The following EDIL3 variants were observed in gnomAD, a reference collection of about 807,000 sequenced individuals.
EDIL3 encodes EGF like and discoidin domains 3.
In EDIL3, 37 loss-of-function variants were observed where a neutral mutation model predicts 67.4. The observed-to-expected ratio is 0.55, with a 90% confidence interval of 0.42 to 0.72. The LOEUF (loss-of-function observed/expected upper bound fraction) is 0.72. EDIL3 is among the 30% of genes least tolerant of loss of function. EDIL3 has a pLI of 0.00. For synonymous variants in EDIL3, 195 were observed against 196.3 expected, an observed-to-expected ratio of 0.99 and a Z score of 0.05; for missense variants, 527 against 586.3, an observed-to-expected ratio of 0.90 and a Z score of 1.04.
chr5:83,981,943 AC>A lies in EDIL3; in HGVS notation c.1138-18584del, dbSNP rs2112149573. Among the ~76,000 whole-genome samples the A allele has an allele frequency of 2.6e-5, 4 of 152,234 alleles. No homozygotes were observed. The South Asian group carries it at 8.3e-4, about 32-fold the overall frequency. ...GGCACAAAATAAATATGGCAAAAAAACATGAAATAACAATTTAAGCTACAAT... is the reference window on the plus strand; with the variant it reads ...GGCACAAAATAAATATGGCAAAAAAAATGAAATAACAATTTAAGCTACAAT... On this transcript the variant is annotated intron_variant, in intron 9 of 10. Coordinates refer to ENST00000296591, the MANE Select transcript of EDIL3 (RefSeq NM_005711.5).
chr5:84,384,811 A>C lies in EDIL3; in HGVS notation c.-437T>G, dbSNP rs1466170209. 2 of 152,190 alleles carry C rather than the reference A, an allele frequency of 1.3e-5. No homozygotes were observed. The highest frequency in any genetic ancestry group is 2.9e-5 in the Non-Finnish European group (2 of 68,206). The allele number at this position is 152,190 out of a possible 1,614,324, so 9.4% of individuals were successfully genotyped here. ...GGGCTTCTGACTTGGAGAACAATGA[A>C]GCGTGAGCTGGAGGGGAGCGAGCGG... On this transcript the variant is annotated 5_prime_UTR_variant, in exon 1 of 11. Coordinates refer to ENST00000296591, the MANE Select transcript of EDIL3 (RefSeq NM_005711.5).
intron 1 of EDIL3, among the ~76,000 whole-genome samples, chr5:84,319,494 C>CAAAAAAAAAAAAAAAA (rs55738450): frequency 8.9e-4 from 38 of 42,828 alleles, no homozygotes; most frequent in East Asian, 1.7e-3. Context: ...CAAAAAACAA[C>CAAAAAAAAAAAAAAAA]AAAAAAAAAA....
At chr5:84,163,035 G>A (rs1377209977) in intron 4 of EDIL3, among the ~76,000 whole-genome samples, 1 of 151,916 alleles carries the variant, frequency 6.6e-6, no homozygotes, top group East Asian at 1.9e-4. Flanking sequence ...AAATATTTAG[G>A]GAAAACAGAC....
chr5:84,258,600 G>A (rs764286141), intron 1 of EDIL3, among the ~76,000 whole-genome samples: 28 of 152,148 alleles, frequency 1.8e-4, no homozygotes, highest in Non-Finnish European at 5.9e-5. Context: ...CTTTCTTAAA[G>A]AAGGATTAGA....
chr5:84,364,572 G>C (rs923594791), intron 1 of EDIL3, among the ~76,000 whole-genome samples: 7 of 152,046 alleles, frequency 4.6e-5, no homozygotes, highest in Non-Finnish European at 1.0e-4. Flanking sequence ...ATACAGGTAA[G>C]ACTCCTAATC....
At chr5:84,100,348 T>C (rs1462104075) in intron 6 of EDIL3, among the ~76,000 whole-genome samples, 3 of 152,030 alleles carry the variant, frequency 2.0e-5, no homozygotes, top group Non-Finnish European at 4.4e-5. Flanking sequence ...AATGATAGAC[T>C]GGATAAAGAA....
chr5:83,955,924 A>C (rs375727046), intron 10 of EDIL3, among the ~76,000 whole-genome samples: 2 of 151,846 alleles, frequency 1.3e-5, no homozygotes, highest in Admixed American at 6.6e-5. Context: ...ACTAATATAC[A>C]AAGGATTTTC....
chr5:84,247,438 C>G (rs868249554), intron 2 of EDIL3, among the ~76,000 whole-genome samples: 1 of 152,138 alleles, frequency 6.6e-6, no homozygotes, highest in Non-Finnish European at 1.5e-5. Context: ...TATTCTGACA[C>G]TGATTGCCTT....
intron 6 of EDIL3, among the ~76,000 whole-genome samples, chr5:84,074,771 C>T (rs566426275): frequency 0.065 from 9,830 of 152,046 alleles, 445 homozygotes; most frequent in Middle Eastern, 0.12. Context: ...CTAGTTCAAC[C>T]ATTGTGGAAG....
At chr5:84,218,332 A>C (rs1744273467) in intron 3 of EDIL3, among the ~76,000 whole-genome samples, 1 of 152,218 alleles carries the variant, frequency 6.6e-6, no homozygotes, top group African/African-American at 2.4e-5. Context: ...GTCAGTTTTT[A>C]AAATGTGAGA....
Position 83,941,808 on chromosome 5 carries a change from TTTTG to T in EDIL3, c.*1607_*1610del, listed in dbSNP as rs1369760955. ...CAGCCAGTCCCCTTAGACGAACTAATTTTGTTCTTATTAAAAATGCCAATACAAT... is the reference window on the plus strand; with the variant it reads ...CAGCCAGTCCCCTTAGACGAACTAATTTCTTATTAAAAATGCCAATACAAT... On this transcript the variant is annotated 3_prime_UTR_variant, in exon 11 of 11. Coordinates refer to ENST00000296591, the MANE Select transcript of EDIL3 (RefSeq NM_005711.5). 6.6e-6 allele frequency: 1 copy of T among 152,000 alleles called. No individual in the cohort carries two copies. The highest frequency in any genetic ancestry group is 2.4e-5 in the African/African-American group (1 of 41,432). 9.4% of individuals were successfully genotyped at this position (152,000 alleles called of 1,614,324 possible). A position where few individuals can be genotyped will look rare whatever the true frequency, so the allele number is the denominator to read the frequency against.
chr5:84,093,849 G>A (rs1338297848), intron 6 of EDIL3, among the ~76,000 whole-genome samples: 9 of 151,768 alleles, frequency 5.9e-5, no homozygotes, highest in East Asian at 3.9e-4. Context: ...TAGTAGAGAC[G>A]GGGTTTCACC....
At chr5:84,373,285 C>A (rs1747894184) in intron 1 of EDIL3, among the ~76,000 whole-genome samples, 1 of 152,140 alleles carries the variant, frequency 6.6e-6, no homozygotes, top group Non-Finnish European at 1.5e-5. Flanking sequence ...ATTTTTCCAA[C>A]ACCTGGCCAT....
chr5:84,345,927 C>T (rs1482445905), intron 1 of EDIL3, among the ~76,000 whole-genome samples: 1 of 152,080 alleles, frequency 6.6e-6, no homozygotes, highest in Non-Finnish European at 1.5e-5. Context: ...TATGAAAACA[C>T]AACAATGTTT....
intron 2 of EDIL3, among the ~76,000 whole-genome samples, chr5:84,252,294 A>C (rs909635509): frequency 6.6e-6 from 1 of 152,022 alleles, no homozygotes; most frequent in Non-Finnish European, 1.5e-5. Context: ...AATCGAGATC[A>C]TCCTGGCTAA....
chr5:84,325,865 TA>T lies in EDIL3; in HGVS notation c.67+58442del, dbSNP rs1279405469. ...TGGATAAACTTTGAGAACATCTTGCTAAGTGAAATAAGCTAGTCATAAAAAA... is the reference window on the plus strand; with the variant it reads ...TGGATAAACTTTGAGAACATCTTGCTAGTGAAATAAGCTAGTCATAAAAAA... On this transcript the variant is annotated intron_variant, in intron 1 of 10. Coordinates refer to ENST00000296591, the MANE Select transcript of EDIL3 (RefSeq NM_005711.5). Among the ~76,000 whole-genome samples the T allele has an allele frequency of 2.6e-5, 4 of 152,238 alleles. No homozygotes were observed. In the East Asian group the frequency reaches 5.8e-4, roughly 22 times the overall value.
At chr5:83,986,368 T>TAA (rs1745057584) in intron 9 of EDIL3, among the ~76,000 whole-genome samples, 1 of 152,140 alleles carries the variant, frequency 6.6e-6, no homozygotes, top group Non-Finnish European at 1.5e-5. Context: ...CTTGAATTTG[T>TAA]TATGCATTAG....
intron 6 of EDIL3, among the ~76,000 whole-genome samples, chr5:84,085,917 G>A (rs887527866): frequency 1.3e-5 from 2 of 152,204 alleles, no homozygotes; most frequent in African/African-American, 2.4e-5. Context: ...TAGAAAAACA[G>A]TCTGGCCACA....
At chr5:83,996,128 A>G (rs147623437) in intron 9 of EDIL3, among the ~76,000 whole-genome samples, 3 of 152,310 alleles carry the variant, frequency 2.0e-5, no homozygotes, top group Admixed American at 6.5e-5. Flanking sequence ...TTGTTCCTAT[A>G]AGCATGGCAG....
Sources: allele counts gnomAD v4.1 joint callset (sites outside exome capture counted in the v4.1 genomes callset), GRCh38; gene constraint gnomAD v4.1.1; transcripts MANE v1.5; gene names NCBI Gene and HGNC (gene_info 2026-07-23, HGNC 2026-07-21).